Variants in NUMB observed in about 807,000 individuals in gnomAD.
NUMB encodes NUMB endocytic adaptor protein, also known as protein numb homolog.
NUMB carries 29 observed loss-of-function variants against 59.7 expected under a neutral mutation model. The ratio of observed to expected loss-of-function variants is 0.49; its 90% CI spans 0.36 to 0.66. The LOEUF is 0.66. Ranked by LOEUF, NUMB falls within the 30% of genes least tolerant of loss-of-function variation. The pLI is 0.00. For missense variants in NUMB, 723 were observed against 822.0 expected, an observed-to-expected ratio of 0.88 and a Z score of 1.47; for synonymous variants, 288 against 288.2, an observed-to-expected ratio of 1.00 and a Z score of 0.01.
At chr14:73,404,723 C>T (rs1036268522) in intron 2 of NUMB, among the ~76,000 whole-genome samples, 22 of 151,520 alleles carry the variant, frequency 1.5e-4, no homozygotes, top group African/African-American at 2.2e-4. Context: ...TATAGGACTT[C>T]ATTTTCATAT....
intron 7 of NUMB, among the ~76,000 whole-genome samples, 160 bp from the exon 8 acceptor site, chr14:73,293,034 G>T (rs140018504): frequency 1.6e-4 from 25 of 152,262 alleles, no homozygotes; most frequent in African/African-American, 5.8e-4. Context: ...CTGAGAATTG[G>T]ACTCAGCAGA....
At chr14:73,402,216 C>T (rs573093673) in intron 2 of NUMB, among the ~76,000 whole-genome samples, 125 of 152,284 alleles carry the variant, frequency 8.2e-4, no homozygotes, top group African/African-American at 2.7e-3. Context: ...AATCCAGTTT[C>T]TGCAGCTATT....
At chr14:73,315,039 G>T (rs1891013212) in intron 6 of NUMB, among the ~76,000 whole-genome samples, 1 of 152,040 alleles carries the variant, frequency 6.6e-6, no homozygotes, top group Non-Finnish European at 1.5e-5. Flanking sequence ...AATGTATTGT[G>T]ACATGTGTGG....
At chr14:73,354,035 CTG>C (rs967143462) in intron 4 of NUMB, among the ~76,000 whole-genome samples, 1 of 152,048 alleles carries the variant, frequency 6.6e-6, no homozygotes, top group African/African-American at 2.4e-5. Flanking sequence ...TATTAAAAGA[CTG>C]TGGAAAAATT....
chr14:73,416,767 G>T (rs923808318), intron 1 of NUMB, among the ~76,000 whole-genome samples: 14 of 152,052 alleles, frequency 9.2e-5, no homozygotes, highest in Admixed American at 2.6e-4. Flanking sequence ...ACTTGAACCT[G>T]GGAGGCAGAG....
At chr14:73,448,983 CA>C (rs763216026) in intron 1 of NUMB, among the ~76,000 whole-genome samples, 16 of 143,336 alleles carry the variant, frequency 1.1e-4, no homozygotes, top group Non-Finnish European at 2.0e-4. Flanking sequence ...AATCTTGCAT[CA>C]AATATATTCG....
intron 1 of NUMB, among the ~76,000 whole-genome samples, chr14:73,451,164 A>AAC (rs1883921752): frequency 6.8e-6 from 1 of 146,698 alleles, no homozygotes; most frequent in Non-Finnish European, 1.5e-5. Context: ...AAAAAAAAAA[A>AAC]AAAAAAAAAA....
chr14:73,279,801 T>C (rs1888486947), intron 11 of NUMB, among the ~76,000 whole-genome samples: 1 of 152,196 alleles, frequency 6.6e-6, no homozygotes, highest in Non-Finnish European at 1.5e-5. Flanking sequence ...CATAATGAAG[T>C]AGGTATAGCA....
At chr14:73,415,948 CTA>C (rs1359745903) in intron 1 of NUMB, among the ~76,000 whole-genome samples, 2 of 152,074 alleles carry the variant, frequency 1.3e-5, no homozygotes, top group African/African-American at 2.4e-5. Context: ...GAAAAAAAAT[CTA>C]GATTTCTATA....
At chr14:73,327,661 T>A (rs1366373570) in intron 4 of NUMB, among the ~76,000 whole-genome samples, 1 of 152,170 alleles carries the variant, frequency 6.6e-6, no homozygotes, top group African/African-American at 2.4e-5. Flanking sequence ...TAGTTAAAAA[T>A]CTAGTATCTG....
intron 1 of NUMB, among the ~76,000 whole-genome samples, chr14:73,431,978 CA>C (rs971040939): frequency 2.0e-5 from 3 of 148,358 alleles, no homozygotes; most frequent in African/African-American, 4.9e-5. Flanking sequence ...AAACACTTTC[CA>C]AAAAAAAAAT....
intron 1 of NUMB, among the ~76,000 whole-genome samples, chr14:73,439,977 A>G (rs1438930463): frequency 6.6e-6 from 1 of 152,082 alleles, no homozygotes; most frequent in Non-Finnish European, 1.5e-5. Context: ...ATTATATACA[A>G]CCTGTATATT....
At chr14:73,349,459 C>T (rs964426322) in intron 4 of NUMB, among the ~76,000 whole-genome samples, 30 of 151,376 alleles carry the variant, frequency 2.0e-4, no homozygotes, top group African/African-American at 7.0e-4. Context: ...TAGTGGCAGG[C>T]GCCTGTAATC....
At chr14:73,417,061 C>T (rs376639485) in intron 1 of NUMB, among the ~76,000 whole-genome samples, 42 of 151,910 alleles carry the variant, frequency 2.8e-4, no homozygotes, top group Middle Eastern at 3.4e-3. Flanking sequence ...GAGAGGAGAT[C>T]GGTCACAGGA....
At chr14:73,324,173 C>T (rs781052526) in intron 4 of NUMB, among the ~76,000 whole-genome samples, 1 of 152,218 alleles carries the variant, frequency 6.6e-6, no homozygotes, top group African/African-American at 2.4e-5. Flanking sequence ...AGGCTATCAC[C>T]TATTCTTCTG....
intron 1 of NUMB, among the ~76,000 whole-genome samples, chr14:73,436,376 G>A (rs561408248): frequency 9.9e-5 from 15 of 152,266 alleles, no homozygotes; most frequent in African/African-American, 3.6e-4. Context: ...GACCACAGTA[G>A]CGTGATCTCG....
chr14:73,352,467 CACACACACACATATATAT>C (rs1893385655), intron 4 of NUMB, among the ~76,000 whole-genome samples: 1 of 24,462 alleles, frequency 4.1e-5, no homozygotes, highest in Non-Finnish European at 8.3e-5. Flanking sequence ...CATACACACA[CACACACACACATATATAT>C]ATATATATAT....
intron 4 of NUMB, among the ~76,000 whole-genome samples, chr14:73,327,419 G>A (rs138725863): frequency 0.027 from 4,183 of 152,180 alleles, 86 homozygotes; most frequent in Middle Eastern, 0.078. Flanking sequence ...ACCACACCCA[G>A]CTAATTTTTG....
intron 1 of NUMB, among the ~76,000 whole-genome samples, chr14:73,420,038 G>C (rs1316454267): frequency 6.6e-6 from 1 of 152,158 alleles, no homozygotes; most frequent in Non-Finnish European, 1.5e-5. Flanking sequence ...GCTAACTTTT[G>C]TACCTTTAGT....
Sources: gnomAD v4.1 joint callset for allele counts (sites outside exome capture counted in the v4.1 genomes callset) on GRCh38, gnomAD v4.1.1 for gene constraint, MANE v1.5 for transcripts, NCBI Gene and HGNC (gene_info 2026-07-23, HGNC 2026-07-21) for gene names.